Variants in GRID2 observed in about 807,000 individuals in gnomAD.
GRID2 encodes glutamate ionotropic receptor delta type subunit 2.
In GRID2, 33 loss-of-function variants were observed where a neutral mutation model predicts 114.8. That is an observed-to-expected ratio of 0.29 (90% CI 0.22 to 0.38). The LOEUF (loss-of-function observed/expected upper bound fraction) is 0.38. Ranked by LOEUF, GRID2 falls within the 10% of genes least tolerant of loss-of-function variation. The probability of loss-of-function intolerance (pLI) is 1.00; values close to 1 mark genes in which losing one functional copy is unlikely to be tolerated. For synonymous variants in GRID2, 505 were observed against 449.9 expected (o/e 1.12, Z -1.55); for missense variants, 1,184 against 1,257.7 (o/e 0.94, Z 0.89).
intron 1 of GRID2, among the ~76,000 whole-genome samples, chr4:92,343,563 A>G (rs1351970042): frequency 1.3e-5 from 2 of 152,054 alleles, no homozygotes; most frequent in Non-Finnish European, 2.9e-5. Flanking sequence ...GTTTTTAAAT[A>G]TATGTGTTTA....
intron 2 of GRID2, among the ~76,000 whole-genome samples, chr4:92,897,317 A>G (rs1213552827): frequency 6.6e-6 from 1 of 152,108 alleles, no homozygotes; most frequent in Non-Finnish European, 1.5e-5. Flanking sequence ...ACAACTATCC[A>G]TCTCTTTAAT....
chr4:93,139,703 T>C (rs1283517924), intron 4 of GRID2, among the ~76,000 whole-genome samples: 2 of 151,688 alleles, frequency 1.3e-5, no homozygotes, highest in African/African-American at 4.9e-5. Flanking sequence ...TATTGTCTTT[T>C]ATTTCACTGA....
chr4:93,418,870 A>G (rs1767983511), intron 9 of GRID2, among the ~76,000 whole-genome samples: 1 of 151,964 alleles, frequency 6.6e-6, no homozygotes, highest in Admixed American at 6.6e-5. Context: ...AATTGTGTTA[A>G]AATTTGAGAT....
chr4:93,307,995 C>G (rs1220856619), intron 8 of GRID2, among the ~76,000 whole-genome samples: 1 of 151,800 alleles, frequency 6.6e-6, no homozygotes, highest in Non-Finnish European at 1.5e-5. Context: ...GACATCAGGT[C>G]TGTGAAGTAG....
intron 13 of GRID2, among the ~76,000 whole-genome samples, chr4:93,569,488 T>C (rs754529247): frequency 5.9e-5 from 9 of 152,180 alleles, no homozygotes; most frequent in Admixed American, 1.3e-4. Context: ...CCTGGACTCA[T>C]GCAATTGCCT....
intron 2 of GRID2, among the ~76,000 whole-genome samples, chr4:93,042,057 C>T (rs1725566570): frequency 6.6e-6 from 1 of 151,834 alleles, no homozygotes; most frequent in African/African-American, 2.4e-5. Context: ...TGCCCGCCAC[C>T]ATGCCTGGCT....
intron 1 of GRID2, among the ~76,000 whole-genome samples, chr4:92,492,558 A>G (rs1723191340): frequency 6.6e-6 from 1 of 152,132 alleles, no homozygotes; most frequent in African/African-American, 2.4e-5. Flanking sequence ...TAGAGAACAG[A>G]ACCACATTTT....
At chr4:93,012,709 G>A (rs903986789) in intron 2 of GRID2, among the ~76,000 whole-genome samples, 3 of 151,856 alleles carry the variant, frequency 2.0e-5, no homozygotes, top group Admixed American at 2.0e-4. Context: ...ATCTCTACAA[G>A]TTATGCAAAA....
At chr4:92,582,672 A>AT (rs1420541219) in intron 1 of GRID2, among the ~76,000 whole-genome samples, 1 of 152,022 alleles carries the variant, frequency 6.6e-6, no homozygotes, top group Non-Finnish European at 1.5e-5. Flanking sequence ...TATTATAATT[A>AT]TTATGAAATG....
intron 7 of GRID2, among the ~76,000 whole-genome samples, chr4:93,231,914 T>C (rs1304643050): frequency 6.6e-6 from 1 of 152,110 alleles, no homozygotes; most frequent in Non-Finnish European, 1.5e-5. Context: ...AGAAAATAGA[T>C]TAGAAATATT....
chr4:93,373,295 C>T (rs1443488542), intron 8 of GRID2, among the ~76,000 whole-genome samples: 1 of 151,848 alleles, frequency 6.6e-6, no homozygotes, highest in Non-Finnish European at 1.5e-5. Flanking sequence ...GTTTAAATAC[C>T]TTCTGTTCTC....
chr4:92,758,998 A>T (rs1470959774), intron 2 of GRID2, among the ~76,000 whole-genome samples: 1 of 152,204 alleles, frequency 6.6e-6, no homozygotes, highest in African/African-American at 2.4e-5. Flanking sequence ...ATCAATTTTT[A>T]AAAAGTTTAA....
intron 14 of GRID2, among the ~76,000 whole-genome samples, chr4:93,736,440 C>T (rs1033678915): frequency 1.4e-4 from 22 of 151,976 alleles, no homozygotes; most frequent in Non-Finnish European, 8.8e-5. Context: ...ACATAGCTAA[C>T]AATAATATAG....
intron 1 of GRID2, among the ~76,000 whole-genome samples, chr4:92,340,298 A>T (rs1276367451): frequency 6.6e-6 from 1 of 152,176 alleles, no homozygotes; most frequent in East Asian, 1.9e-4. Context: ...ACGAGGTCTT[A>T]TTCCTGCTCA....
intron 7 of GRID2, among the ~76,000 whole-genome samples, chr4:93,227,387 C>CTGGTG (rs1745612653): frequency 6.6e-6 from 1 of 152,140 alleles, no homozygotes; most frequent in Admixed American, 6.5e-5. Context: ...GCCACCACAC[C>CTGGTG]TGGCTAATTT....
intron 2 of GRID2, among the ~76,000 whole-genome samples, chr4:92,964,953 T>C (rs564136305): frequency 1.3e-5 from 2 of 152,034 alleles, no homozygotes; most frequent in African/African-American, 2.4e-5. Context: ...TCTTTTACAT[T>C]TACAACTTGC....
intron 7 of GRID2, among the ~76,000 whole-genome samples, chr4:93,225,085 T>C (rs1168217272): frequency 2.0e-5 from 3 of 152,106 alleles, no homozygotes; most frequent in Admixed American, 2.0e-4. Flanking sequence ...ACAAAAGGCT[T>C]TTAAAAAAAC....
At chr4:93,808,399 T>C (rs922512901) in exon 2 of GRID2, 2 of 151,844 alleles carry the variant, frequency 1.3e-5, no homozygotes, top group African/African-American at 4.9e-5. Flanking sequence ...GTGAAAAGTA[T>C]GTGAAAGAAC....
intron 2 of GRID2, among the ~76,000 whole-genome samples, chr4:92,970,816 A>G (rs1038685584): frequency 9.2e-5 from 14 of 151,976 alleles, no homozygotes; most frequent in African/African-American, 3.1e-4. Flanking sequence ...GAAAATATTT[A>G]TCAGTGTGTA....
Sources: allele counts gnomAD v4.1 joint callset (sites outside exome capture counted in the v4.1 genomes callset), GRCh38; gene constraint gnomAD v4.1.1; transcripts MANE v1.5; gene names NCBI Gene and HGNC (gene_info 2026-07-23, HGNC 2026-07-21).